Variants in NCOA1 observed in about 807,000 individuals in gnomAD.
NCOA1 encodes the protein nuclear receptor coactivator 1, also known as Hin-2 protein.
Under a neutral mutation model 150.9 loss-of-function variants are expected in NCOA1, and 35 were observed. The ratio of observed to expected loss-of-function variants is 0.23; its 90% CI spans 0.18 to 0.31. The LOEUF is 0.31. Ranked by LOEUF, NCOA1 falls within the 10% of genes least tolerant of loss-of-function variation. NCOA1 has a pLI of 1.00. For missense variants in NCOA1, 1,491 were observed against 1,749.3 expected (o/e 0.85, Z 2.63); for synonymous variants, 590 against 630.0 (o/e 0.94, Z 0.95).
At chr2:24,728,972 A>G (rs1400994706) in intron 16 of NCOA1, among the ~76,000 whole-genome samples, 2 of 151,960 alleles carry the variant, frequency 1.3e-5, no homozygotes, top group African/African-American at 4.8e-5. Context: ...GCTGCATACA[A>G]ACACACACAC....
At chr2:24,509,462 C>T (rs536839245) in intron 1 of NCOA1, among the ~76,000 whole-genome samples, 83 of 152,234 alleles carry the variant, frequency 5.5e-4, no homozygotes, top group Middle Eastern at 3.4e-3. Context: ...GTGAGAAGTA[C>T]GCTGGGATGA....
chr2:24,722,507 C>A (rs1674403540), intron 14 of NCOA1, among the ~76,000 whole-genome samples: 1 of 151,802 alleles, frequency 6.6e-6, no homozygotes, highest in Non-Finnish European at 1.5e-5. Flanking sequence ...TTTTTTAAAT[C>A]AAAAACTAAA....
At chr2:24,637,706 GT>G (rs111849898) in intron 3 of NCOA1, among the ~76,000 whole-genome samples, 6,399 of 151,880 alleles carry the variant, frequency 0.042, 207 homozygotes, top group African/African-American at 0.092. Flanking sequence ...GTTTTGTTTT[GT>G]TTTTTGAGAT....
At chr2:24,628,480 A>G (rs1417034675) in intron 3 of NCOA1, among the ~76,000 whole-genome samples, 1 of 152,254 alleles carries the variant, frequency 6.6e-6, no homozygotes, top group East Asian at 1.9e-4. Flanking sequence ...AATTGCATAT[A>G]TTAATTTTTT....
At chr2:24,696,092 T>TC (rs1458734694) in intron 10 of NCOA1, among the ~76,000 whole-genome samples, 5 of 152,212 alleles carry the variant, frequency 3.3e-5, no homozygotes, top group African/African-American at 1.2e-4. Context: ...CACCAGGCTT[T>TC]CCCCAAACTG....
Position 24,728,324 on chromosome 2 carries a change from C to G in NCOA1, c.2734C>G (p.Gln912Glu). The change falls in exon 16 of 23, where the codon CAA becomes GAA. Residue 912 changes from glutamine to glutamate, a missense_variant. Gln to Glu is a conservative substitution (Grantham distance 29, BLOSUM62 2). Around this residue, in one of 8 missense-constraint regions of NCOA1, gnomAD observed 703 missense variants for 717.7 expected, o/e 0.98. Coordinates refer to ENST00000348332, the MANE Select transcript of NCOA1 (RefSeq NM_003743.5). ...SKSEDQCISS[Q>E]LDELLCPPTT... ...ATCCTGCAGCCAGTGTATTAGCTCA[C>G]AATTAGATGAGCTTCTCTGTCCACC... is the stretch of plus-strand genomic sequence containing the variant. 1 of 1,611,610 alleles carries G rather than the reference C, an allele frequency of 6.2e-7. No individual in the cohort carries two copies. Among genetic ancestry groups the G allele is most frequent in the Non-Finnish European group, 8.5e-7 (1 of 1,178,980 alleles).
At chr2:24,553,269 G>A (rs1000808802) in intron 1 of NCOA1, among the ~76,000 whole-genome samples, 1 of 151,844 alleles carries the variant, frequency 6.6e-6, no homozygotes, top group African/African-American at 2.4e-5. Flanking sequence ...GCCCAGGCTG[G>A]AGTGCAGTGG....
chr2:24,705,751 A>G (rs1673391834), intron 12 of NCOA1, among the ~76,000 whole-genome samples: 1 of 152,180 alleles, frequency 6.6e-6, no homozygotes, highest in Non-Finnish European at 1.5e-5. Context: ...CTATTATCCT[A>G]TGAATTATTA....
At chr2:24,678,878 A>G (rs1672037080) in intron 7 of NCOA1, among the ~76,000 whole-genome samples, 1 of 152,160 alleles carries the variant, frequency 6.6e-6, no homozygotes, top group Non-Finnish European at 1.5e-5. Context: ...GAAGCTCTTG[A>G]GTTTAATTAG....
At chr2:24,738,990 G>C (rs929329316) in intron 17 of NCOA1, among the ~76,000 whole-genome samples, 4 of 152,080 alleles carry the variant, frequency 2.6e-5, no homozygotes, top group Non-Finnish European at 5.9e-5. Context: ...CATCCAGCTT[G>C]CTCAACTTTC....
At chr2:24,524,395 T>G (rs1664565898) in intron 1 of NCOA1, among the ~76,000 whole-genome samples, 1 of 152,120 alleles carries the variant, frequency 6.6e-6, no homozygotes, top group South Asian at 2.1e-4. Flanking sequence ...CCTCCTGGAC[T>G]CAACCCTCCC....
At chr2:24,516,333 C>T (rs1313826603) in intron 1 of NCOA1, among the ~76,000 whole-genome samples, 11 of 151,612 alleles carry the variant, frequency 7.3e-5, no homozygotes, top group Admixed American at 7.2e-4. Flanking sequence ...GCTGGGACTA[C>T]AGGCGCCCGC....
At chr2:24,715,101 G>A (rs1002865460) in intron 14 of NCOA1, among the ~76,000 whole-genome samples, 1 of 152,022 alleles carries the variant, frequency 6.6e-6, no homozygotes, top group Admixed American at 6.6e-5. Flanking sequence ...GTGAAATAAA[G>A]ATGTTTTCAA....
chr2:24,521,897 C>CT (rs955799306), intron 1 of NCOA1, among the ~76,000 whole-genome samples: 39 of 152,082 alleles, frequency 2.6e-4, no homozygotes, highest in African/African-American at 9.2e-4. Context: ...AACTTGTTAT[C>CT]TTTTTTCTTT....
At chr2:24,727,725 A>G (rs964173094) in intron 15 of NCOA1, among the ~76,000 whole-genome samples, 3 of 152,220 alleles carry the variant, frequency 2.0e-5, no homozygotes, top group Non-Finnish European at 4.4e-5. Context: ...ATTAGACTGT[A>G]TATTTCCTAC....
chr2:24,525,200 A>G lies in NCOA1; in HGVS notation c.-396+33598A>G, dbSNP rs183596012. Among the ~76,000 whole-genome samples the G allele has an allele frequency of 1.4e-3, 218 of 152,332 alleles. 5 individuals carry two copies. The highest frequency in any genetic ancestry group is 2.2e-4 in the Non-Finnish European group (15 of 68,038). The stretch of plus-strand genomic sequence containing the variant: ...AAGGCATTTTTTCTTCAATTCTGTC[A>G]TCTAATGACCTCTCACTTACTTGCT... On this transcript the variant is annotated intron_variant, in intron 1 of 22. Coordinates refer to ENST00000348332, the MANE Select transcript of NCOA1 (RefSeq NM_003743.5).
chr2:24,610,012 G>A (rs1668549094), intron 3 of NCOA1, among the ~76,000 whole-genome samples: 1 of 151,192 alleles, frequency 6.6e-6, no homozygotes, highest in African/African-American at 2.4e-5. Flanking sequence ...TGATTTCATT[G>A]CATTGTGATC....
chr2:24,634,708 A>ACCCCCC (rs530645429), intron 3 of NCOA1, among the ~76,000 whole-genome samples: 203 of 39,742 alleles, frequency 5.1e-3, no homozygotes, highest in Non-Finnish European at 5.4e-3. Context: ...TAGGGGAGGA[A>ACCCCCC]CCCCCCCCCC....
At chr2:24,639,186 C>G (rs1482290620) in intron 3 of NCOA1, among the ~76,000 whole-genome samples, 1 of 151,998 alleles carries the variant, frequency 6.6e-6, no homozygotes, top group East Asian at 1.9e-4. Flanking sequence ...ATACAACTTA[C>G]CTGTGATGCC....
Sources: allele counts gnomAD v4.1 joint callset (sites outside exome capture counted in the v4.1 genomes callset), GRCh38; gene constraint gnomAD v4.1.1; regional missense constraint gnomAD v4.1.1; transcripts MANE v1.5; gene names NCBI Gene and HGNC (gene_info 2026-07-23, HGNC 2026-07-21).